The following AFAP1 variants were observed in gnomAD, a reference collection of about 807,000 sequenced individuals.
AFAP1 encodes actin filament-associated protein 1.
AFAP1 carries 75 observed loss-of-function variants against 93.9 expected under a neutral mutation model. That is an observed-to-expected ratio of 0.80 (90% CI 0.66 to 0.97). The LOEUF (loss-of-function observed/expected upper bound fraction) is 0.97. AFAP1 is among the 50% of genes least tolerant of loss of function. The pLI is 0.00. For missense variants in AFAP1, 1,201 were observed against 1,050.8 expected (o/e 1.14, Z -1.98); for synonymous variants, 517 against 430.7 (o/e 1.20, Z -2.48).
chr4:7,808,158 C>T (rs552611699), intron 9 of AFAP1, among the ~76,000 whole-genome samples: 1 of 152,308 alleles, frequency 6.6e-6, no homozygotes, highest in South Asian at 2.1e-4. Flanking sequence ...CAATAGTACA[C>T]AAGGAAAATG....
intron 1 of AFAP1, among the ~76,000 whole-genome samples, chr4:7,882,578 A>G (rs1717912215): frequency 6.6e-6 from 1 of 152,162 alleles, no homozygotes; most frequent in Non-Finnish European, 1.5e-5. Flanking sequence ...CTAGAAATGC[A>G]GGGTGGGTGC....
At chr4:7,937,153 C>A (rs1206609457) in intron 1 of AFAP1, among the ~76,000 whole-genome samples, 2 of 152,070 alleles carry the variant, frequency 1.3e-5, no homozygotes, top group Non-Finnish European at 2.9e-5. Context: ...AAAGATATTG[C>A]CAAAAAGTTG....
chr4:7,869,876 T>C (rs774379441), intron 2 of AFAP1, among the ~76,000 whole-genome samples: 32 of 151,820 alleles, frequency 2.1e-4, no homozygotes, highest in Non-Finnish European at 3.8e-4. Context: ...AATCAATAGA[T>C]AGGTTTAAAG....
intron 1 of AFAP1, among the ~76,000 whole-genome samples, chr4:7,933,812 A>G (rs1361787831): frequency 6.6e-6 from 1 of 152,164 alleles, no homozygotes; most frequent in Non-Finnish European, 1.5e-5. Context: ...GTGCTTGGAA[A>G]CAATTCTCCA....
Position 7,764,225 on chromosome 4 carries a change from G to C in AFAP1, c.2419-434C>G, listed in dbSNP as rs149823452. On this transcript the variant is annotated intron_variant, in intron 17 of 17. Transcript: ENST00000420658. ...TCCTGTAACGATTTCACTTATGTGA[G>C]GGACCTGGAGAAGTCTAACAAGGAC... is the stretch of plus-strand genomic sequence containing the variant. 3.9e-3 allele frequency among the ~76,000 whole-genome samples: 592 copies of C among 152,326 alleles called. 5 individuals are homozygous for C. Among genetic ancestry groups the C allele is most frequent in the African/African-American group, 0.013 (560 of 41,574 alleles).
intron 9 of AFAP1, among the ~76,000 whole-genome samples, chr4:7,808,762 T>G (rs958453531): frequency 7.9e-5 from 12 of 152,118 alleles, no homozygotes; most frequent in Middle Eastern, 3.2e-3. Flanking sequence ...CCTGTAGTAA[T>G]GAGGGAGTTC....
Position 7,816,772 on chromosome 4 carries a change from C to G in AFAP1, c.823-673G>C, listed in dbSNP as rs115368169. On this transcript the variant is annotated intron_variant, in intron 7 of 17. Coordinates refer to ENST00000420658, the MANE Select transcript of AFAP1 (RefSeq NM_001134647.2). ...TGGCCTCCAAACACCGTCCTCAGAG[C>G]CTGTGCCTTCCACGAGGGCCTTGGA... is the stretch of plus-strand genomic sequence containing the variant. Among the ~76,000 whole-genome samples, 237 of 152,298 alleles carry G rather than the reference C, an allele frequency of 1.6e-3. 2 individuals are homozygous for G. The highest frequency in any genetic ancestry group is 5.6e-3 in the African/African-American group (234 of 41,562).
At chr4:7,812,388 A>C (rs1207925667) in intron 8 of AFAP1, among the ~76,000 whole-genome samples, 1 of 152,176 alleles carries the variant, frequency 6.6e-6, no homozygotes, top group African/African-American at 2.4e-5. Flanking sequence ...CTCTGACTGC[A>C]AAGAAATGAG....
chr4:7,897,261 T>C (rs984790887), intron 1 of AFAP1, among the ~76,000 whole-genome samples: 5 of 152,140 alleles, frequency 3.3e-5, no homozygotes, highest in African/African-American at 1.2e-4. Context: ...AAACAGGACA[T>C]CAGAGTAAAT....
chr4:7,772,906 C>A lies in AFAP1; in HGVS notation c.2167G>T (p.Val723Phe). The A allele has an allele frequency of 6.2e-7, 1 of 1,614,158 alleles. No homozygotes were observed. Among genetic ancestry groups the A allele is most frequent in the Non-Finnish European group, 8.5e-7 (1 of 1,180,038 alleles). ...AGCGCTTTCTTCAGGCTCTCCTTGA[C>A]CTCCGTCAGCTCCAGCTCCAGGCTG... ...RVSLELELTE[V>F]KESLKKALAG... The change falls in exon 16 of 18, where the codon GTC becomes TTC. Residue 723 changes from valine to phenylalanine, a missense_variant. By Grantham distance (50) the Val-to-Phe change is conservative (BLOSUM62 -1). Coordinates refer to ENST00000420658, the MANE Select transcript of AFAP1 (RefSeq NM_001134647.2).
At chr4:7,929,007 G>A (rs952535353) in intron 1 of AFAP1, among the ~76,000 whole-genome samples, 2 of 152,218 alleles carry the variant, frequency 1.3e-5, no homozygotes, top group Non-Finnish European at 2.9e-5. Flanking sequence ...CACTCCGATC[G>A]CAGAGGCTTC....
Position 7,939,230 on chromosome 4 carries a change from T to TC in AFAP1, c.-3+425dup. On this transcript the variant is annotated intron_variant, in intron 1 of 17. Coordinates refer to ENST00000420658, the MANE Select transcript of AFAP1 (RefSeq NM_001134647.2). This position sits in a 1 kb window ranked among gnomAD's most constrained non-coding sequence, Gnocchi z 5.6. ...CCCCCTCGTCCGAGGGTCCGCGCAG[T>TC]CCCCTCGGTAAGTCGGACGAAGCAG... 3.9e-6 allele frequency: 1 copy of TC among 254,322 alleles called. No homozygotes were observed. The highest frequency in any genetic ancestry group is 8.0e-6 in the Non-Finnish European group (1 of 125,316). The allele number at this position is 254,322 out of a possible 1,614,324, so 15.8% of individuals were successfully genotyped here.
chr4:7,799,040 CCA>C (rs1718767993), intron 10 of AFAP1: 2 of 986,012 alleles, frequency 2.0e-6, no homozygotes, highest in South Asian at 4.7e-5. Flanking sequence ...CATCCACCCT[CCA>C]GTTTTCAGCC....
At chr4:7,790,093 GA>G (rs1260032774) in intron 11 of AFAP1, among the ~76,000 whole-genome samples, 2 of 152,126 alleles carry the variant, frequency 1.3e-5, no homozygotes, top group Non-Finnish European at 2.9e-5. Context: ...TAAGAACCTT[GA>G]AAAGATTCAT....
intron 16 of AFAP1, among the ~76,000 whole-genome samples, chr4:7,770,167 G>A (rs554067888): frequency 3.7e-4 from 57 of 152,336 alleles, no homozygotes; most frequent in African/African-American, 1.2e-3. Flanking sequence ...GACTGGGAGC[G>A]GGGAAGCAGA....
In AFAP1 at chr4:7,767,325, C is replaced by T. The variant is rs139541542; in HGVS notation, c.2418+1519G>A. Among the ~76,000 whole-genome samples the T allele has an allele frequency of 7.6e-4, 116 of 152,284 alleles. 1 individual carries two copies. In the East Asian group the frequency reaches 0.012, roughly 15 times the overall value. ...AACCTCTGTATGACGGAAGCACACA[C>T]GGTGATGGGAGCCCTTTTGAGGGTC... On this transcript the variant is annotated intron_variant, in intron 17 of 17. Transcript: ENST00000420658.
intron 16 of AFAP1, among the ~76,000 whole-genome samples, chr4:7,770,661 G>A (rs1715304054): frequency 6.6e-6 from 1 of 152,144 alleles, no homozygotes; most frequent in South Asian, 2.1e-4. Flanking sequence ...GAAGACACAG[G>A]AGAAGGATCC....
At chr4:7,852,842 T>TA (rs1714608253) in intron 4 of AFAP1, among the ~76,000 whole-genome samples, 1 of 152,006 alleles carries the variant, frequency 6.6e-6, no homozygotes, top group Admixed American at 6.5e-5. Flanking sequence ...CCATCTCACA[T>TA]AAGAAGGGCT....
Position 7,761,162 on chromosome 4 carries a change from T to G in AFAP1, c.*2603A>C, listed in dbSNP as rs185539024. The G allele has an allele frequency of 8.8e-5, 13 of 147,710 alleles. No individual in the cohort carries two copies. Among genetic ancestry groups the G allele is most frequent in the African/African-American group, 3.2e-4 (13 of 41,178 alleles). 9.1% of individuals were successfully genotyped at this position (147,710 alleles called of 1,614,324 possible). The stretch of plus-strand genomic sequence containing the variant: ...TACAGATATAAATTAAAAACTATAT[T>G]TATTGAACATATACACATAAATAAC... On this transcript the variant is annotated 3_prime_UTR_variant, in exon 18 of 18. Coordinates refer to ENST00000420658, the MANE Select transcript of AFAP1 (RefSeq NM_001134647.2).
Sources: allele counts gnomAD v4.1 joint callset (sites outside exome capture counted in the v4.1 genomes callset), GRCh38; gene constraint gnomAD v4.1.1; non-coding constraint Gnocchi (gnomAD v3.1); transcripts MANE v1.5; gene names NCBI Gene and HGNC (gene_info 2026-07-23, HGNC 2026-07-21).